Variants in MAP2 observed in about 807,000 individuals in gnomAD.
MAP2 encodes the protein microtubule-associated protein 2.
MAP2 carries 14 observed loss-of-function variants against 137.6 expected under a neutral mutation model. The ratio of observed to expected loss-of-function variants is 0.10; its 90% CI spans 0.07 to 0.16. MAP2 has a LOEUF of 0.16. Ranked by LOEUF, MAP2 falls within the 10% of genes least tolerant of loss-of-function variation. MAP2 has a pLI of 1.00. For missense variants in MAP2, 2,088 were observed against 2,191.5 expected, an observed-to-expected ratio of 0.95 and a Z score of 0.94; for synonymous variants, 786 against 782.3, an observed-to-expected ratio of 1.00 and a Z score of -0.08.
intron 5 of MAP2, among the ~76,000 whole-genome samples, chr2:209,670,037 C>T (rs1438117673): frequency 6.6e-6 from 1 of 151,920 alleles, no homozygotes; most frequent in Non-Finnish European, 1.5e-5. Context: ...ACAATTGTAA[C>T]AGTTTTGACG....
At position 209,587,115 on chromosome 2, in the gene MAP2, C is replaced by T. The variant is rs115498124; in HGVS notation, c.-107+7015C>T. Among the ~76,000 whole-genome samples the T allele has an allele frequency of 4.4e-3, 675 of 152,090 alleles. 4 individuals are homozygous for T. Among genetic ancestry groups the T allele is most frequent in the African/African-American group, 0.015 (619 of 41,472 alleles). Reference sequence around the variant, plus strand: ...ACGTGGTTCTATATAACCCTGTGTCCGTTTCTTCATTCCAGTTCTATTTCC... The same window carrying T: ...ACGTGGTTCTATATAACCCTGTGTCTGTTTCTTCATTCCAGTTCTATTTCC... On this transcript the variant is annotated intron_variant, in intron 3 of 15. Transcript: ENST00000682079.
At chr2:209,697,114 A>T in intron 10 of MAP2, 63 bp downstream of exon 10, 1 of 1,450,522 alleles carries the variant, frequency 6.9e-7, no homozygotes, top group South Asian at 1.4e-5. Flanking sequence ...TTTAAATCTC[A>T]TTACTGTAGC....
In MAP2 at chr2:209,693,675, G is replaced by T. The variant is rs201025312; in HGVS notation, c.1505G>T (p.Ser502Ile). ...DMLKQDSFPV[S>I]LEQAVTDSAM... ...TTGAAACAGGACTCGTTCCCTGTAA[G>T]TTTGGAGCAAGCAGTTACAGATTCA... The change falls in exon 8 of 16, where the codon AGT becomes ATT. Residue 502 changes from serine to isoleucine, a missense_variant. Physicochemically the swap from Ser to Ile is moderately radical, Grantham distance 142. Around this residue, in one of 6 missense-constraint regions of MAP2, gnomAD observed 859 missense variants for 794.5 expected, o/e 1.08. Coordinates refer to ENST00000682079, the MANE Select transcript of MAP2 (RefSeq NM_001375505.1). The T allele has an allele frequency of 1.2e-6, 2 of 1,613,600 alleles. No homozygotes were observed. The highest frequency in any genetic ancestry group is 2.7e-5 in the African/African-American group (2 of 74,898).
rs1275531535 is a variant in MAP2, at chr2:209,692,831, G to A, written c.661G>A (p.Ala221Thr). ...CATGCAAGGCACGGAAGAAGAAAAA[G>A]CACCCCTAGCTTTGTTTGGGCACAC... ...KDMQGTEEEKAPLALFGHTLV... is the reference protein window; with the variant it reads ...KDMQGTEEEKTPLALFGHTLV... Residue 221 changes from alanine to threonine, a missense_variant, in exon 8 of 16, where the codon GCA becomes ACA. Physicochemically the swap from Ala to Thr is moderately conservative, Grantham distance 58. Coordinates refer to ENST00000682079, the MANE Select transcript of MAP2 (RefSeq NM_001375505.1). 1.2e-6 allele frequency: 2 copies of A among 1,612,366 alleles called. No individual in the cohort carries two copies. The highest frequency in any genetic ancestry group is 1.7e-6 in the Non-Finnish European group (2 of 1,179,572).
chr2:209,490,605 CAAAAAAAAAAAAAAA>C (rs59133937), intron 1 of MAP2, among the ~76,000 whole-genome samples: 20 of 5,566 alleles, frequency 3.6e-3, no homozygotes, highest in Middle Eastern at 0.5. Context: ...AAATGGAAAG[CAAAAAAAAAAAAAAA>C]AAAAAAAAAA....
At chr2:209,469,486 G>A (rs1173835451) in intron 1 of MAP2, among the ~76,000 whole-genome samples, 1 of 152,106 alleles carries the variant, frequency 6.6e-6, no homozygotes, top group Non-Finnish European at 1.5e-5. Context: ...ACTCAAGTAA[G>A]TATATGCACA....
chr2:209,730,068 T>C (rs1584842714), intron 15 of MAP2, 106 bp downstream of exon 15: 1 of 1,141,610 alleles, frequency 8.8e-7, no homozygotes, highest in Non-Finnish European at 1.3e-6. Flanking sequence ...AAATAAGAAG[T>C]GGGGATAACA....
At chr2:209,608,234 A>G (rs1206459394) in intron 3 of MAP2, among the ~76,000 whole-genome samples, 1 of 152,194 alleles carries the variant, frequency 6.6e-6, no homozygotes, top group Non-Finnish European at 1.5e-5. Context: ...CAAAGATTAA[A>G]TACTGTACAC....
At chr2:209,463,272 T>C (rs1703306870) in intron 1 of MAP2, among the ~76,000 whole-genome samples, 1 of 152,188 alleles carries the variant, frequency 6.6e-6, no homozygotes, top group Non-Finnish European at 1.5e-5. Context: ...TAAAATTTGT[T>C]CTGATAAGTC....
intron 2 of MAP2, among the ~76,000 whole-genome samples, chr2:209,513,640 A>G (rs2150299084): frequency 6.6e-6 from 1 of 152,150 alleles, no homozygotes; most frequent in South Asian, 2.1e-4. Context: ...AAAACAAAAA[A>G]CAAAAAAACA....
At chr2:209,586,900 C>T (rs1210734128) in intron 3 of MAP2, among the ~76,000 whole-genome samples, 1 of 152,160 alleles carries the variant, frequency 6.6e-6, no homozygotes, top group African/African-American at 2.4e-5. Flanking sequence ...TATTCAGCAA[C>T]ATAGCATACT....
chr2:209,580,293 G>T (rs1019502254), intron 3 of MAP2, among the ~76,000 whole-genome samples, 193 bp downstream of exon 3: 1 of 152,122 alleles, frequency 6.6e-6, no homozygotes, highest in Non-Finnish European at 1.5e-5. Context: ...GATGACTAAA[G>T]AATTGTGTCT....
chr2:209,495,445 G>T (rs2059635690), intron 1 of MAP2, among the ~76,000 whole-genome samples: 2 of 152,252 alleles, frequency 1.3e-5, no homozygotes, highest in Admixed American at 1.3e-4. Flanking sequence ...GCTCCGGCTG[G>T]CATCTGGTGG....
At chr2:209,491,898 C>A (rs1349061775) in intron 1 of MAP2, among the ~76,000 whole-genome samples, 1 of 152,134 alleles carries the variant, frequency 6.6e-6, no homozygotes, top group Admixed American at 6.6e-5. Context: ...CCTTCTGAAA[C>A]TATTCCAAAC....
intron 3 of MAP2, among the ~76,000 whole-genome samples, chr2:209,601,770 C>T (rs370416031): frequency 1.5e-4 from 23 of 152,126 alleles, no homozygotes; most frequent in African/African-American, 5.6e-4. Flanking sequence ...TGATATGCGA[C>T]ATACAGATAG....
At chr2:209,506,796 G>A (rs2061123728) in intron 1 of MAP2, among the ~76,000 whole-genome samples, 1 of 152,164 alleles carries the variant, frequency 6.6e-6, no homozygotes, top group Non-Finnish European at 1.5e-5. Context: ...TGGACTGATT[G>A]TCGACCCAGG....
chr2:209,439,981 C>T (rs990171143), intron 1 of MAP2, among the ~76,000 whole-genome samples: 5 of 151,438 alleles, frequency 3.3e-5, no homozygotes, highest in Non-Finnish European at 5.9e-5. Flanking sequence ...TGTTCTATTA[C>T]ACTGTGTTTA....
At chr2:209,528,523 C>A (rs898303872) in intron 2 of MAP2, among the ~76,000 whole-genome samples, 3 of 151,926 alleles carry the variant, frequency 2.0e-5, no homozygotes, top group Non-Finnish European at 4.4e-5. Flanking sequence ...GAAAATATTT[C>A]AGTTGCCACA....
At chr2:209,456,409 A>G (rs1378529841) in intron 1 of MAP2, among the ~76,000 whole-genome samples, 3 of 152,224 alleles carry the variant, frequency 2.0e-5, no homozygotes, top group African/African-American at 4.8e-5. Flanking sequence ...TTGTGGTATA[A>G]TGAAGAACCA....
Sources: gnomAD v4.1 joint callset for allele counts (sites outside exome capture counted in the v4.1 genomes callset) on GRCh38, gnomAD v4.1.1 for gene constraint, gnomAD v4.1.1 regional missense constraint, MANE v1.5 for transcripts, NCBI Gene and HGNC (gene_info 2026-07-23, HGNC 2026-07-21) for gene names.